NSMCE2: variants seen among roughly 807,000 people sequenced by gnomAD.
The protein encoded by NSMCE2 is NSE2 SUMO ligase component of SMC5/6 complex.
NSMCE2 carries 24 observed loss-of-function variants against 23.8 expected under a neutral mutation model. The ratio of observed to expected loss-of-function variants is 1.01; its 90% CI spans 0.73 to 1.42. The LOEUF (loss-of-function observed/expected upper bound fraction) is 1.42, where lower values mean the gene tolerates loss of function less well. Among genes scored for constraint, NSMCE2 ranks in the 40% most tolerant of loss-of-function variants. NSMCE2 has a pLI of 0.00. For synonymous variants in NSMCE2, 92 were observed against 94.1 expected, an observed-to-expected ratio of 0.98 and a Z score of 0.13; for missense variants, 284 against 296.5, an observed-to-expected ratio of 0.96 and a Z score of 0.31.
intron 5 of NSMCE2, among the ~76,000 whole-genome samples, chr8:125,230,894 A>G (rs1004549476): frequency 6.6e-6 from 1 of 152,194 alleles, no homozygotes; most frequent in African/African-American, 2.4e-5. Context: ...TGGACAGGTC[A>G]GGGTTTGCTT....
chr8:125,325,593 C>T (rs1454275662), intron 5 of NSMCE2, among the ~76,000 whole-genome samples: 9 of 152,146 alleles, frequency 5.9e-5, no homozygotes, highest in Non-Finnish European at 1.2e-4. Flanking sequence ...GCAATCTGCC[C>T]GCCTCAGACT....
At chr8:125,193,585 A>G (rs998577741) in intron 5 of NSMCE2, among the ~76,000 whole-genome samples, 1 of 152,174 alleles carries the variant, frequency 6.6e-6, no homozygotes, top group African/African-American at 2.4e-5. Flanking sequence ...AAGAGTCTAT[A>G]TAGTTTTATA....
At position 125,323,218 on chromosome 8, in the gene NSMCE2, A is replaced by G. The variant is rs148190439; in HGVS notation, c.419-34001A>G. ...AAAACTCAATATACTTAAGATGCCA[A>G]TTCTCACCGAATTGATCTGTTGATT... On this transcript the variant is annotated intron_variant, in intron 5 of 7. Coordinates refer to ENST00000287437, the MANE Select transcript of NSMCE2 (RefSeq NM_173685.4). Among the ~76,000 whole-genome samples the G allele has an allele frequency of 2.0e-4, 30 of 152,358 alleles. 1 individual carries two copies. In the East Asian group the frequency reaches 3.1e-3, roughly 16 times the overall value.
intron 3 of NSMCE2, among the ~76,000 whole-genome samples, chr8:125,112,712 T>G (rs1312988914): frequency 6.6e-6 from 1 of 151,446 alleles, no homozygotes; most frequent in African/African-American, 2.4e-5. Context: ...AAACAGAGAG[T>G]AGAATGATGG....
chr8:125,262,441 A>G (rs1330846061), intron 5 of NSMCE2, among the ~76,000 whole-genome samples: 2 of 152,136 alleles, frequency 1.3e-5, no homozygotes, highest in Non-Finnish European at 2.9e-5. Context: ...AAATAAATAA[A>G]TAGTATACAA....
At chr8:125,321,699 C>CG (rs1326374182) in intron 5 of NSMCE2, among the ~76,000 whole-genome samples, 1 of 152,096 alleles carries the variant, frequency 6.6e-6, no homozygotes, top group Non-Finnish European at 1.5e-5. Flanking sequence ...TTATGACCAA[C>CG]GGGGGGTTAT....
At chr8:125,162,218 G>T (rs1232849123) in intron 4 of NSMCE2, among the ~76,000 whole-genome samples, 2 of 152,076 alleles carry the variant, frequency 1.3e-5, no homozygotes. Context: ...CAGGAAGTTG[G>T]TAAAAAAAAT....
At chr8:125,218,827 A>AT (rs1231418036) in intron 5 of NSMCE2, among the ~76,000 whole-genome samples, 1 of 152,240 alleles carries the variant, frequency 6.6e-6, no homozygotes, top group Non-Finnish European at 1.5e-5. Flanking sequence ...TGAACCATAC[A>AT]TTTAAAAATG....
chr8:125,290,465 AT>A (rs370157850), intron 5 of NSMCE2, among the ~76,000 whole-genome samples: 125 of 149,646 alleles, frequency 8.4e-4, no homozygotes, highest in African/African-American at 2.4e-3. Flanking sequence ...CATGACTTGC[AT>A]TTTTTTTTTC....
chr8:125,351,732 C>T (rs1383323704), intron 5 of NSMCE2, among the ~76,000 whole-genome samples: 6 of 151,964 alleles, frequency 3.9e-5, no homozygotes, highest in Admixed American at 6.6e-5. Flanking sequence ...TGGGGTTGGC[C>T]GGGCATGGTG....
At chr8:125,278,558 T>C (rs983124636) in intron 5 of NSMCE2, among the ~76,000 whole-genome samples, 33 of 152,228 alleles carry the variant, frequency 2.2e-4, no homozygotes, top group African/African-American at 6.8e-4. Context: ...TGCTGACCTA[T>C]TGTTTTAGGT....
At chr8:125,125,888 G>A (rs1270418509) in intron 3 of NSMCE2, among the ~76,000 whole-genome samples, 2 of 152,210 alleles carry the variant, frequency 1.3e-5, no homozygotes, top group Admixed American at 1.3e-4. Flanking sequence ...GGCCCAGGGT[G>A]ATACTGTGGA....
rs143187629 is a variant in NSMCE2, at chr8:125,249,000, T to A, written c.418+66744T>A. On this transcript the variant is annotated intron_variant, in intron 5 of 7. Coordinates refer to ENST00000287437, the MANE Select transcript of NSMCE2 (RefSeq NM_173685.4). ...GCCTGGCCAACATGGTAAAACCTTG[T>A]CTCTACTAAAAATACAAAAAATTAG... is the stretch of plus-strand genomic sequence containing the variant. Among the ~76,000 whole-genome samples the A allele has an allele frequency of 7.1e-3, 1,084 of 152,270 alleles. 10 individuals carry two copies. The highest frequency in any genetic ancestry group is 0.025 in the African/African-American group (1,044 of 41,546).
At chr8:125,222,574 GAAT>G (rs1256122879) in intron 5 of NSMCE2, among the ~76,000 whole-genome samples, 1 of 151,910 alleles carries the variant, frequency 6.6e-6, no homozygotes, top group Non-Finnish European at 1.5e-5. Flanking sequence ...CAAAGTCTAT[GAAT>G]TAGCCTGTTT....
At chr8:125,286,774 CAAAAA>C (rs11403131) in intron 5 of NSMCE2, among the ~76,000 whole-genome samples, 5 of 131,626 alleles carry the variant, frequency 3.8e-5, no homozygotes, top group Admixed American at 2.3e-4. Context: ...AAGCCTAGAG[CAAAAA>C]AAAAAAAAAA....
At chr8:125,093,376 A>G (rs77785791) in intron 1 of NSMCE2, among the ~76,000 whole-genome samples, 2,065 of 152,240 alleles carry the variant, frequency 0.014, 40 homozygotes, top group African/African-American at 0.048. Flanking sequence ...GCATATGGGT[A>G]AGATGTGGGC....
chr8:125,174,409 G>A (rs544626073), intron 4 of NSMCE2, among the ~76,000 whole-genome samples: 3 of 152,124 alleles, frequency 2.0e-5, no homozygotes, highest in Non-Finnish European at 4.4e-5. Context: ...AATCAGTTTC[G>A]TTTCTTTTCC....
intron 5 of NSMCE2, among the ~76,000 whole-genome samples, chr8:125,296,483 C>T (rs1247682488): frequency 6.9e-6 from 1 of 144,668 alleles, no homozygotes; most frequent in Non-Finnish European, 1.5e-5. Context: ...CGACCTCCAA[C>T]TCCCAGGTTC....
chr8:125,104,413 GTTAGGGCTAAT>G (rs1818354310), intron 3 of NSMCE2, among the ~76,000 whole-genome samples: 1 of 152,204 alleles, frequency 6.6e-6, no homozygotes, highest in Non-Finnish European at 1.5e-5. Context: ...TAGCCTTTAT[GTTAGGGCTAAT>G]TTAGCCTTGT....
Sources: gnomAD v4.1 joint callset for allele counts (sites outside exome capture counted in the v4.1 genomes callset) on GRCh38, gnomAD v4.1.1 for gene constraint, MANE v1.5 for transcripts, NCBI Gene and HGNC (gene_info 2026-07-23, HGNC 2026-07-21) for gene names.